The following GCN1 variants were observed in gnomAD, a reference collection of about 807,000 sequenced individuals.
GCN1 encodes the protein stalled ribosome sensor GCN1.
A neutral mutation model predicts 288.4 loss-of-function variants in GCN1; 90 were observed. The observed-to-expected ratio is 0.31, with a 90% CI of 0.26 to 0.37. GCN1 has a LOEUF of 0.37. Among genes scored for constraint, GCN1 ranks in the 10% least tolerant of loss-of-function variants. GCN1 has a pLI of 1.00. For missense variants in GCN1, 2,586 were observed against 3,419.9 expected, an observed-to-expected ratio of 0.76 and a Z score of 6.08; for synonymous variants, 1,386 against 1,420.2, an observed-to-expected ratio of 0.98 and a Z score of 0.54.
In GCN1 at chr12:120,178,861, C is replaced by T. The variant is rs761375009; in HGVS notation, c.516G>A (p.Leu172=). ...VDGAVKKLTK[L]WKENPGLVEQ... ...CCTGCAGTCCTGTCACCTCTTTCCA[C>T]AGCTTCGTGAGTTTCTTCACAGCAC... The change falls in exon 6 of 58, where the codon CTG becomes CTA. Residue 172 remains leucine (L), a synonymous_variant. Transcript: ENST00000300648. 7 of 1,614,184 alleles carry T rather than the reference C, an allele frequency of 4.3e-6. No individual in the cohort carries two copies. Among genetic ancestry groups the T allele is most frequent in the Non-Finnish European group, 5.9e-6 (7 of 1,180,008 alleles).
chr12:120,150,193 G>A lies in GCN1; in HGVS notation c.4310-150C>T, dbSNP rs755171825. The A allele has an allele frequency of 7.0e-6, 5 of 712,462 alleles. No individual in the cohort carries two copies. The Admixed American group carries it at 8.5e-5, about 12-fold the overall frequency. The allele number at this position is 712,462 out of a possible 1,614,324, so 44.1% of individuals were successfully genotyped here. ...GGAACTAGTAGATGCCCCATGAGGA[G>A]GCAGCACCCTCTGCCTCAGCTCAAG... On this transcript the variant is annotated intron_variant, in intron 34 of 57. Coordinates refer to ENST00000300648, the MANE Select transcript of GCN1 (RefSeq NM_006836.2).
intron 39 of GCN1, 98 bp downstream of exon 39, chr12:120,145,161 TACC>T: frequency 6.4e-7 from 1 of 1,566,028 alleles, no homozygotes; most frequent in Non-Finnish European, 8.8e-7. Flanking sequence ...TCTTTCTCTT[TACC>T]CAACAGACAC....
Position 120,154,987 on chromosome 12 carries a change from TGGA to T in GCN1, c.3681_3683del (p.Pro1228del). On this transcript the variant is annotated inframe_deletion, in exon 31 of 58. Transcript: ENST00000300648. Reference sequence around the variant, plus strand: ...TGTTATACCTGGCTTCCCACTGATCTGGAGGAGATTCTGAAATAACTCGTCCCA... The same window carrying T: ...TGTTATACCTGGCTTCCCACTGATCTGGAGATTCTGAAATAACTCGTCCCA... 1.2e-6 allele frequency: 2 copies of T among 1,613,674 alleles called. No individual in the cohort carries two copies. The highest frequency in any genetic ancestry group is 1.7e-6 in the Non-Finnish European group (2 of 1,179,542).
chr12:120,178,987 C>A, intron 5 of GCN1, 37 bp from the exon 6 acceptor site: 1 of 1,554,338 alleles, frequency 6.4e-7, no homozygotes, highest in Non-Finnish European at 8.8e-7. Flanking sequence ...CAAGGTGGGA[C>A]ATGAGACTGA....
At chr12:120,170,412 G>C (rs1405170119) in intron 14 of GCN1, 91 bp from the exon 15 acceptor site, 10 of 1,157,172 alleles carry the variant, frequency 8.6e-6, no homozygotes, top group Non-Finnish European at 1.0e-5. Context: ...CTGTGAACCA[G>C]ACGACTAAAA....
At position 120,134,828 on chromosome 12, in the gene GCN1, G is replaced by A. The variant is rs1003087550; in HGVS notation, c.7009-102C>T. The A allele has an allele frequency of 1.6e-4, 154 of 982,496 alleles. No individual in the cohort carries two copies. Among genetic ancestry groups the A allele is most frequent in the Middle Eastern group, 9.5e-4 (3 of 3,144 alleles). 60.9% of individuals were successfully genotyped at this position (982,496 alleles called of 1,614,324 possible). A position where few individuals can be genotyped will look rare whatever the true frequency, so the allele number is the denominator to read the frequency against. ...AATGACAATCCCAAACCACCACAGCGAGTCCAGCTCTCATACAGGGCTGGG... is the reference window on the plus strand; with the variant it reads ...AATGACAATCCCAAACCACCACAGCAAGTCCAGCTCTCATACAGGGCTGGG... On this transcript the variant is annotated intron_variant, in intron 51 of 57. Transcript: ENST00000300648. The surrounding 1 kb of genome is among the most constrained non-coding windows in gnomAD (Gnocchi z 5.0).
intron 26 of GCN1, 130 bp from the exon 27 acceptor site, chr12:120,157,122 C>A (rs892479710): frequency 9.5e-6 from 6 of 634,898 alleles, no homozygotes; most frequent in Admixed American, 5.0e-5. Flanking sequence ...ACCACAGAAA[C>A]CTCATTAAGT....
intron 53 of GCN1, 46 bp from the exon 54 acceptor site, chr12:120,132,068 A>C: frequency 7.8e-7 from 1 of 1,277,738 alleles, no homozygotes; most frequent in African/African-American, 1.5e-5. Context: ...GAACAACACC[A>C]GCTGTGTGGG....
chr12:120,129,151 G>A (rs1306321796), intron 57 of GCN1, 125 bp downstream of exon 57: 5 of 809,784 alleles, frequency 6.2e-6, no homozygotes, highest in East Asian at 4.9e-5. Context: ...ATCTTAATCT[G>A]CTCCTGAAAG....
At chr12:120,152,304 T>C (rs1877582507) in intron 33 of GCN1, among the ~76,000 whole-genome samples, 1 of 151,302 alleles carries the variant, frequency 6.6e-6, no homozygotes, top group Non-Finnish European at 1.5e-5. Context: ...ACTGGGATTA[T>C]AGGCATGAGC....
At chr12:120,187,894 A>AC (rs1012163967) in intron 2 of GCN1, among the ~76,000 whole-genome samples, 153 of 152,058 alleles carry the variant, frequency 1.0e-3, no homozygotes, top group Non-Finnish European at 1.8e-3. Context: ...AATGAAAAAA[A>AC]AAAAAAACAA....
chr12:120,180,700 T>C (rs11065036), intron 5 of GCN1, among the ~76,000 whole-genome samples: 32,008 of 150,166 alleles, frequency 0.21, 4,100 homozygotes, highest in East Asian at 0.56. Context: ...AAAACAGATA[T>C]GCTTGTGGCC....
In GCN1 at chr12:120,137,909, C is replaced by T. The variant is rs1594260998; in HGVS notation, c.6385G>A (p.Glu2129Lys). 2.5e-6 allele frequency: 4 copies of T among 1,614,196 alleles called. No individual in the cohort carries two copies. The highest frequency in any genetic ancestry group is 3.4e-6 in the Non-Finnish European group (4 of 1,180,024). The part of the protein sequence containing the change: ...ALKEKLGTPD[E>K]QLEMANCQAV... ...GCAGGCTCGCCCCTTACCAGCTGCT[C>T]ATCTGGGGTCCCAAGCTTTTCCTTC... The change falls in exon 48 of 58, where the codon GAG (glutamate) becomes AAG (lysine). Residue 2129 changes from glutamate to lysine, a missense_variant. By Grantham distance (56) the Glu-to-Lys change is moderately conservative. This residue lies in a region of GCN1 where 437 missense variants were observed against 570.5 expected (regional missense o/e 0.77). Transcript: ENST00000300648. The surrounding 1 kb of genome is among the most constrained non-coding windows in gnomAD (Gnocchi z 5.2).
At chr12:120,162,111 G>T in intron 20 of GCN1, 53 bp from the exon 21 acceptor site, 2 of 1,485,232 alleles carry the variant, frequency 1.3e-6, no homozygotes, top group Non-Finnish European at 1.9e-6. Flanking sequence ...GCACTGGCAA[G>T]AGGTCCACCA....
rs376908111 is a variant in GCN1 at position 120,153,180 on chromosome 12, C to A, written c.4062+33G>T. 2 of 1,592,608 alleles carry A rather than the reference C, an allele frequency of 1.3e-6. No homozygotes were observed. Among genetic ancestry groups the A allele is most frequent in the South Asian group, 2.2e-5 (2 of 90,426 alleles). ...CACAGCCGGGTCCCAATTCTCTAACCGACATGTGGGTCCCAGGCCAGATGG... is the reference window on the plus strand; with the variant it reads ...CACAGCCGGGTCCCAATTCTCTAACAGACATGTGGGTCCCAGGCCAGATGG... On this transcript the variant is annotated intron_variant, in intron 33 of 57. Transcript: ENST00000300648. This position sits in a 1 kb window ranked among gnomAD's most constrained non-coding sequence, Gnocchi z 4.4.
At chr12:120,149,881 A>G (rs749210059) in intron 35 of GCN1, 41 bp downstream of exon 35, 7 of 1,612,786 alleles carry the variant, frequency 4.3e-6, no homozygotes, top group Middle Eastern at 3.3e-4. Context: ...CACATCTCAT[A>G]AAGTTTCCAT....
Position 120,175,789 on chromosome 12 carries a change from C to T in GCN1, c.999G>A (p.Ser333=), listed in dbSNP as rs1034352537. 5 of 1,613,114 alleles carry T rather than the reference C, an allele frequency of 3.1e-6. No individual in the cohort carries two copies. The highest frequency in any genetic ancestry group is 3.3e-5 in the Admixed American group (2 of 59,728). ...RNLARQCSDS[S]AMESLTKHLF... ...GGTGCTTGGTCAGGGATTCCATGGC[C>T]GAAGAGTCACTGCACTGGCGTGCCA... Residue 333 remains serine (S), a synonymous_variant, in exon 11 of 58, where the codon TCG becomes TCA. Transcript: ENST00000300648.
At position 120,137,264 on chromosome 12, in the gene GCN1, C is replaced by T. The variant is rs746865663; in HGVS notation, c.6719G>A (p.Arg2240Gln). The change falls in exon 50 of 58, where the codon CGG becomes CAG. Residue 2240 changes from arginine (R) to glutamine (Q), a missense_variant. This residue lies in a region of GCN1 where 437 missense variants were observed against 570.5 expected (regional missense o/e 0.77). Coordinates refer to ENST00000300648, the MANE Select transcript of GCN1 (RefSeq NM_006836.2). The surrounding 1 kb of genome is among the most constrained non-coding windows in gnomAD (Gnocchi z 5.2). ...GCCTTTGCTCTCGTTCCCTATGAGC[C>T]GGATTTCCTTGTGCAGCTCTTCAAT... Reference protein sequence around the residue: ...ALIEELHKEIRLIGNESKGEH... With the variant: ...ALIEELHKEIQLIGNESKGEH... The T allele has an allele frequency of 8.1e-6, 13 of 1,614,156 alleles. No individual in the cohort carries two copies. The highest frequency in any genetic ancestry group is 2.2e-5 in the East Asian group (1 of 44,876).
chr12:120,139,249 G>A (rs927479354), intron 45 of GCN1, among the ~76,000 whole-genome samples: 3 of 152,126 alleles, frequency 2.0e-5, no homozygotes, highest in African/African-American at 7.2e-5. Flanking sequence ...AGCAGAGGCT[G>A]TAGCCAAAAG....
Sources: gnomAD v4.1 joint callset for allele counts (sites outside exome capture counted in the v4.1 genomes callset) on GRCh38, gnomAD v4.1.1 for gene constraint, gnomAD v4.1.1 regional missense constraint, Gnocchi (gnomAD v3.1) non-coding constraint, MANE v1.5 for transcripts, NCBI Gene and HGNC (gene_info 2026-07-23, HGNC 2026-07-21) for gene names.